The following KIF16B variants were observed in gnomAD, a reference collection of about 807,000 sequenced individuals.
KIF16B encodes the protein kinesin family member 16B.
A neutral mutation model predicts 156.3 loss-of-function variants in KIF16B; 98 were observed. The ratio of observed to expected loss-of-function variants is 0.63; its 90% CI spans 0.53 to 0.74. The LOEUF (loss-of-function observed/expected upper bound fraction) is 0.74, where lower values mean the gene tolerates loss of function less well. Among genes scored for constraint, KIF16B ranks in the 30% least tolerant of loss-of-function variants. The pLI, the probability that KIF16B is intolerant of heterozygous loss-of-function variation, is 0.00. For missense variants in KIF16B, 1,421 were observed against 1,606.5 expected (o/e 0.88, Z 1.97); for synonymous variants, 564 against 583.7 (o/e 0.97, Z 0.49).
intron 23 of KIF16B, among the ~76,000 whole-genome samples, chr20:16,339,757 G>A (rs999982460): frequency 5.9e-5 from 9 of 152,182 alleles, no homozygotes; most frequent in African/African-American, 2.2e-4. Context: ...CATCCAGTCA[G>A]TCGGTGAATC....
At chr20:16,327,871 GGCTTACTGGGT>G (rs2063882826) in intron 24 of KIF16B, among the ~76,000 whole-genome samples, 1 of 152,070 alleles carries the variant, frequency 6.6e-6, no homozygotes, top group Admixed American at 6.6e-5. Flanking sequence ...ATTTATCTAA[GGCTTACTGGGT>G]GCTCTCTGTG....
chr20:16,419,043 A>C (rs1005480261), intron 15 of KIF16B, among the ~76,000 whole-genome samples: 3 of 152,028 alleles, frequency 2.0e-5, no homozygotes, highest in African/African-American at 7.2e-5. Context: ...GCAGGGCCTG[A>C]TCCCTAGATT....
At chr20:16,418,122 T>C (rs150265414) in intron 15 of KIF16B, among the ~76,000 whole-genome samples, 1 of 149,142 alleles carries the variant, frequency 6.7e-6, no homozygotes, top group East Asian at 2.0e-4. Flanking sequence ...AAGCTGAAAA[T>C]GAAGTTTTAA....
intron 1 of KIF16B, among the ~76,000 whole-genome samples, chr20:16,564,943 G>T (rs1276551531): frequency 2.0e-5 from 3 of 151,998 alleles, no homozygotes; most frequent in Non-Finnish European, 4.4e-5. Context: ...CTGGTCAGGC[G>T]TGACATTCTA....
At chr20:16,557,323 G>A (rs2070889141) in intron 1 of KIF16B, among the ~76,000 whole-genome samples, 1 of 151,926 alleles carries the variant, frequency 6.6e-6, no homozygotes, top group South Asian at 2.1e-4. Context: ...GAGATTACAG[G>A]CGCCTGCTAC....
chr20:16,346,220 T>C (rs1034353175), intron 23 of KIF16B, among the ~76,000 whole-genome samples: 3 of 152,184 alleles, frequency 2.0e-5, no homozygotes, highest in Non-Finnish European at 4.4e-5. Flanking sequence ...AAGAGCCTGG[T>C]TCTAAAGACA....
intron 25 of KIF16B, among the ~76,000 whole-genome samples, chr20:16,295,626 G>A (rs1211836943): frequency 6.6e-6 from 1 of 151,494 alleles, no homozygotes; most frequent in Admixed American, 6.6e-5. Context: ...GAAACATTAG[G>A]CAGATATTGG....
At chr20:16,312,019 T>G (rs1266169751) in intron 25 of KIF16B, among the ~76,000 whole-genome samples, 1 of 152,226 alleles carries the variant, frequency 6.6e-6, no homozygotes, top group Non-Finnish European at 1.5e-5. Context: ...AGCTTTGTAC[T>G]CTCATCCTGT....
chr20:16,286,135 C>A (rs1184243406), intron 25 of KIF16B, among the ~76,000 whole-genome samples: 1 of 152,164 alleles, frequency 6.6e-6, no homozygotes, highest in Non-Finnish European at 1.5e-5. Context: ...AACACAGTGT[C>A]TCGTACACAG....
chr20:16,452,479 T>A (rs1465195059), intron 12 of KIF16B, among the ~76,000 whole-genome samples: 1 of 150,628 alleles, frequency 6.6e-6, no homozygotes, highest in Non-Finnish European at 1.5e-5. Flanking sequence ...GCTAGAAAGC[T>A]GCAGTGAAAC....
chr20:16,553,014 C>T (rs2070722869), intron 1 of KIF16B, among the ~76,000 whole-genome samples: 1 of 152,134 alleles, frequency 6.6e-6, no homozygotes, highest in South Asian at 2.1e-4. Flanking sequence ...GATCCACCCA[C>T]CTCGGCCTCC....
intron 12 of KIF16B, among the ~76,000 whole-genome samples, chr20:16,489,590 G>C (rs1022705708): frequency 6.6e-6 from 1 of 151,924 alleles, no homozygotes; most frequent in Non-Finnish European, 1.5e-5. Context: ...CCAGCTACCT[G>C]GGAGGCTGAG....
Position 16,375,078 on chromosome 20 carries a change from A to C in KIF16B, c.3198-669T>G, listed in dbSNP as rs529931154. Among the ~76,000 whole-genome samples, 1,301 of 152,304 alleles carry C rather than the reference A, an allele frequency of 8.5e-3. 24 individuals are homozygous for C. Among genetic ancestry groups the C allele is most frequent in the African/African-American group, 0.03 (1,244 of 41,558 alleles). On this transcript the variant is annotated intron_variant, in intron 19 of 25. Coordinates refer to ENST00000354981, the MANE Select transcript of KIF16B (RefSeq NM_024704.5). Reference sequence around the variant, plus strand: ...AGAAACTAAAATAAACCATAAAATTAACCTCCAGTGATAAGTGATACATCT... The same window carrying C: ...AGAAACTAAAATAAACCATAAAATTCACCTCCAGTGATAAGTGATACATCT...
intron 17 of KIF16B, among the ~76,000 whole-genome samples, chr20:16,391,823 G>A (rs1308475973): frequency 6.6e-6 from 1 of 152,114 alleles, no homozygotes; most frequent in Non-Finnish European, 1.5e-5. Context: ...CCCTCCACTG[G>A]GGTTTTCAGA....
intron 24 of KIF16B, among the ~76,000 whole-genome samples, chr20:16,318,804 T>C (rs2063734891): frequency 6.6e-6 from 1 of 152,230 alleles, no homozygotes; most frequent in South Asian, 2.1e-4. Flanking sequence ...AAATAATTTA[T>C]GTAGATGTTT....
intron 23 of KIF16B, among the ~76,000 whole-genome samples, chr20:16,337,115 TCTCCTGCTAGGTGTCTTCA>T (rs2064052914): frequency 6.6e-6 from 1 of 152,224 alleles, no homozygotes; most frequent in Non-Finnish European, 1.5e-5. Context: ...TCTGCAGGCC[TCTCCTGCTAGGTGTCTTCA>T]CTCCTGCTGC....
intron 1 of KIF16B, among the ~76,000 whole-genome samples, chr20:16,550,528 CTTTTTTT>C (rs745923425): frequency 5.8e-5 from 6 of 103,498 alleles, no homozygotes; most frequent in Admixed American, 5.3e-4. Context: ...ATGAAACATT[CTTTTTTT>C]TTTTTTTTTT....
intron 12 of KIF16B, among the ~76,000 whole-genome samples, chr20:16,469,622 T>C (rs2067601842): frequency 6.7e-6 from 1 of 148,470 alleles, no homozygotes; most frequent in Admixed American, 6.7e-5. Flanking sequence ...ATACTAAAAA[T>C]TAGAGCACTA....
At position 16,379,625 on chromosome 20, in the gene KIF16B, C is replaced by T; in HGVS notation, c.2377G>A (p.Asp793Asn). The T allele has an allele frequency of 6.2e-7, 1 of 1,614,134 alleles. No homozygotes were observed. Residue 793 changes from aspartate to asparagine, a missense_variant, in exon 19 of 26, where the codon GAC (aspartate) becomes AAC (asparagine). By Grantham distance (23) the Asp-to-Asn change is conservative. Transcript: ENST00000354981. Reference sequence around the variant, plus strand: ...AGGGATTCCCGAATGCCTTCCAGGTCCCTCTTCTCCTCTTCCACCCACTGT... The same window carrying T: ...AGGGATTCCCGAATGCCTTCCAGGTTCCTCTTCTCCTCTTCCACCCACTGT... ...EVQWVEEEKR[D>N]LEGIRESLLR...
Sources: gnomAD v4.1 joint callset for allele counts (sites outside exome capture counted in the v4.1 genomes callset) on GRCh38, gnomAD v4.1.1 for gene constraint, MANE v1.5 for transcripts, NCBI Gene and HGNC (gene_info 2026-07-23, HGNC 2026-07-21) for gene names.